The following CHD1 variants were observed in gnomAD, a reference collection of about 807,000 sequenced individuals.
The protein encoded by CHD1 is chromodomain helicase DNA binding protein 1.
In CHD1, 36 loss-of-function variants were observed where a neutral mutation model predicts 224.2. The observed-to-expected ratio is 0.16, with a 90% CI of 0.12 to 0.21. The LOEUF is 0.21. Ranked by LOEUF, CHD1 falls within the 10% of genes least tolerant of loss-of-function variation. The pLI is 1.00. For synonymous variants in CHD1, 668 were observed against 658.3 expected (o/e 1.01, Z -0.23); for missense variants, 1,378 against 1,994.8 (o/e 0.69, Z 5.89).
chr5:98,867,795 GTTTTTTTTTTT>G (rs71619163), intron 31 of CHD1, among the ~76,000 whole-genome samples: 1 of 98,064 alleles, frequency 1.0e-5, no homozygotes, highest in Non-Finnish European at 1.9e-5. Context: ...TATCTTCCTT[GTTTTTTTTTTT>G]TTTTTTTTTT....
intron 29 of CHD1, 40 bp downstream of exon 29, chr5:98,870,647 A>G: frequency 8.2e-7 from 1 of 1,218,350 alleles, no homozygotes; most frequent in East Asian, 2.5e-5. Context: ...TTACCTTACT[A>G]AAAAGTAAAC....
At chr5:98,861,292 A>T (rs965481433) in intron 32 of CHD1, among the ~76,000 whole-genome samples, 2 of 152,246 alleles carry the variant, frequency 1.3e-5, no homozygotes, top group African/African-American at 2.4e-5. Flanking sequence ...TAAAAGGATC[A>T]GCTAGAATGA....
In CHD1 at chr5:98,926,498, A is replaced by G; in HGVS notation, c.-112T>C. 1 of 509,746 alleles carries G rather than the reference A, an allele frequency of 2.0e-6. No individual in the cohort carries two copies. The highest frequency in any genetic ancestry group is 3.3e-6 in the Non-Finnish European group (1 of 304,928). 31.6% of individuals were successfully genotyped at this position (509,746 alleles called of 1,614,324 possible). A position where few individuals can be genotyped will look rare whatever the true frequency, so the allele number is the denominator to read the frequency against. ...AAAATTCACAGATGAATTTTCTTCA[A>G]CAGTCACAGGTTTTCTGGGACTCTC... On this transcript the variant is annotated 5_prime_UTR_variant, in exon 2 of 36. Coordinates refer to ENST00000614616, the MANE Select transcript of CHD1 (RefSeq NM_001270.4).
Position 98,896,314 on chromosome 5 carries a change from G to A in CHD1, c.1622C>T (p.Thr541Ile). 1 of 1,614,028 alleles carries A rather than the reference G, an allele frequency of 6.2e-7. No homozygotes were observed. The highest frequency in any genetic ancestry group is 8.5e-7 in the Non-Finnish European group (1 of 1,179,908). ...AATTTCCCTTTGCCAGGAAGTAAGA[G>A]TGGAGAGCGGTACTACCAATAAAAA... The part of the protein sequence containing the change: ...GPFLLVVPLS[T>I]LTSWQREIQT... The change falls in exon 12 of 36, where the codon ACT becomes ATT. Residue 541 changes from threonine (T) to isoleucine (I), a missense_variant. Physicochemically the swap from Thr to Ile is moderately conservative, Grantham distance 89. Coordinates refer to ENST00000614616, the MANE Select transcript of CHD1 (RefSeq NM_001270.4).
At chr5:98,857,714 T>G (rs1268069270) in intron 35 of CHD1, among the ~76,000 whole-genome samples, 1 of 152,082 alleles carries the variant, frequency 6.6e-6, no homozygotes. Context: ...ACCTTCCTGG[T>G]TCCAATAATA....
chr5:98,863,364 TATATA>T (rs1748622937), intron 32 of CHD1, 39 bp downstream of exon 32: 1 of 1,149,310 alleles, frequency 8.7e-7, no homozygotes, highest in Admixed American at 3.2e-5. Flanking sequence ...AAAAGACAGT[TATATA>T]ATATAAATTT....
chr5:98,898,144 T>C (rs1392570972), intron 10 of CHD1, 112 bp downstream of exon 10: 1 of 519,796 alleles, frequency 1.9e-6, no homozygotes, highest in African/African-American at 2.0e-5. Context: ...AACCAAGAAA[T>C]ATTCTCCCTT....
chr5:98,888,097 G>A lies in CHD1; in HGVS notation c.2487C>T (p.Phe829=). The A allele has an allele frequency of 6.3e-7, 1 of 1,583,638 alleles. No homozygotes were observed. The highest frequency in any genetic ancestry group is 8.6e-7 in the Non-Finnish European group (1 of 1,161,700). ...ACAATTAAATGCTTACTTGAAAGGG[G>A]AATTGACGATATTTCAAATATTCTG... ...ILAEYLKYRQ[F]PFQRLDGSIK... The change falls in exon 17 of 36, where the codon TTC becomes TTT. Residue 829 remains phenylalanine (F), a synonymous_variant. Coordinates refer to ENST00000614616, the MANE Select transcript of CHD1 (RefSeq NM_001270.4).
chr5:98,860,614 T>G (rs980484672), intron 32 of CHD1: 1 of 162,342 alleles, frequency 6.2e-6, no homozygotes, highest in African/African-American at 2.4e-5. Context: ...GCATCAGTAA[T>G]TAATCAGAGA....
rs10062803 is a variant in CHD1 at position 98,900,880 on chromosome 5, G to T, written c.790C>A (p.Pro264Thr). 5.3e-5 allele frequency: 85 copies of T among 1,613,660 alleles called. No individual in the cohort carries two copies. The African/African-American group carries it at 1.0e-3, about 19-fold the overall frequency. Residue 264 changes from proline to threonine, a missense_variant, in exon 7 of 36, where the codon CCT (proline) becomes ACT (threonine). By Grantham distance (38) the Pro-to-Thr change is conservative (BLOSUM62 -1). Coordinates refer to ENST00000614616, the MANE Select transcript of CHD1 (RefSeq NM_001270.4). Reference sequence around the variant, plus strand: ...TCAAATTCCTCTTCCTCAGGTTGAGGAACATCCTCTCCACAGACTTCCAGT... The same window carrying T: ...TCAAATTCCTCTTCCTCAGGTTGAGTAACATCCTCTCCACAGACTTCCAGT... ...DLLEVCGEDV[P>T]QPEEEEFETI...
At chr5:98,885,203 C>G (rs1256179218) in intron 18 of CHD1, among the ~76,000 whole-genome samples, 1 of 152,094 alleles carries the variant, frequency 6.6e-6, no homozygotes, top group Non-Finnish European at 1.5e-5. Flanking sequence ...ACCGGCCTAG[C>G]CAACATGGTG....
In CHD1 at chr5:98,876,437, C is replaced by T. The variant is rs771381137; in HGVS notation, c.3359G>A (p.Arg1120Gln). The change falls in exon 24 of 36, where the codon CGG becomes CAG. Residue 1120 changes from arginine (R) to glutamine (Q), a missense_variant. Coordinates refer to ENST00000614616, the MANE Select transcript of CHD1 (RefSeq NM_001270.4). ...ATCACTAAATCCTTTAATATTCTCC[C>T]GAGGAATAGTCCGTGGTCTTCCACG... ...KKRGRPRTIP[R>Q]ENIKGFSDAE... The T allele has an allele frequency of 6.2e-6, 10 of 1,613,958 alleles. No individual in the cohort carries two copies. Among genetic ancestry groups the T allele is most frequent in the South Asian group, 1.1e-5 (1 of 91,084 alleles).
chr5:98,876,846 A>C (rs983389260), intron 23 of CHD1, among the ~76,000 whole-genome samples: 1 of 152,198 alleles, frequency 6.6e-6, no homozygotes, highest in Non-Finnish European at 1.5e-5. Flanking sequence ...GTGAAGAAAC[A>C]TTGATCAATA....
At chr5:98,892,250 C>T (rs1751069267) in intron 15 of CHD1, among the ~76,000 whole-genome samples, 1 of 152,114 alleles carries the variant, frequency 6.6e-6, no homozygotes, top group Admixed American at 6.5e-5. Flanking sequence ...AATCCTAACA[C>T]TTAAACTCTT....
chr5:98,924,573 T>C (rs920605878), intron 2 of CHD1, among the ~76,000 whole-genome samples: 1 of 152,248 alleles, frequency 6.6e-6, no homozygotes, highest in Admixed American at 6.5e-5. Context: ...CAAGTAATAA[T>C]GCTGCTTTCC....
At chr5:98,918,115 T>C (rs963424260) in intron 2 of CHD1, among the ~76,000 whole-genome samples, 5 of 151,472 alleles carry the variant, frequency 3.3e-5, no homozygotes, top group Non-Finnish European at 7.4e-5. Flanking sequence ...TGGAGTGCCG[T>C]GGCACGATCT....
chr5:98,897,929 C>T (rs1751447741), intron 10 of CHD1, among the ~76,000 whole-genome samples: 1 of 152,110 alleles, frequency 6.6e-6, no homozygotes, highest in South Asian at 2.1e-4. Flanking sequence ...TGTTTATTCT[C>T]CCAACCCTTC....
intron 10 of CHD1, among the ~76,000 whole-genome samples, chr5:98,897,544 G>A (rs1337550105): frequency 6.6e-6 from 1 of 152,046 alleles, no homozygotes. Context: ...AAACAAAAAT[G>A]TATAGAGAAA....
intron 2 of CHD1, among the ~76,000 whole-genome samples, chr5:98,909,540 T>C (rs926133300): frequency 1.3e-5 from 2 of 152,170 alleles, no homozygotes; most frequent in African/African-American, 4.8e-5. Flanking sequence ...GATGATGATA[T>C]GTCTTCCTCC....
Sources: allele counts gnomAD v4.1 joint callset (sites outside exome capture counted in the v4.1 genomes callset), GRCh38; gene constraint gnomAD v4.1.1; transcripts MANE v1.5; gene names NCBI Gene and HGNC (gene_info 2026-07-23, HGNC 2026-07-21).